The following PTPRD variants were observed in gnomAD, a reference collection of about 807,000 sequenced individuals.
PTPRD encodes protein tyrosine phosphatase receptor type D.
Under a neutral mutation model 214.5 loss-of-function variants are expected in PTPRD, and 34 were observed. That is an observed-to-expected ratio of 0.16 (90% CI 0.12 to 0.21). PTPRD has a LOEUF of 0.21. Among genes scored for constraint, PTPRD ranks in the 10% least tolerant of loss-of-function variants. PTPRD has a pLI of 1.00. For synonymous variants in PTPRD, 1,128 were observed against 845.7 expected (o/e 1.33, Z -5.79); for missense variants, 2,545 against 2,398.7 (o/e 1.06, Z -1.27).
intron 10 of PTPRD, among the ~76,000 whole-genome samples, chr9:9,145,984 C>T (rs995035287): frequency 2.6e-5 from 4 of 152,188 alleles, no homozygotes; most frequent in African/African-American, 9.7e-5. Flanking sequence ...GAAACAAGTG[C>T]CTGATGGCGC....
chr9:10,367,002 T>A (rs1380264878), intron 2 of PTPRD, among the ~76,000 whole-genome samples: 3 of 151,922 alleles, frequency 2.0e-5, no homozygotes, highest in Non-Finnish European at 4.4e-5. Context: ...TTGCTGTAAT[T>A]CACCTAGACT....
intron 11 of PTPRD, among the ~76,000 whole-genome samples, chr9:8,966,183 A>C (rs1404042653): frequency 6.6e-6 from 1 of 152,118 alleles, no homozygotes; most frequent in African/African-American, 2.4e-5. Flanking sequence ...TACTAAAAGC[A>C]ATCTATAGAT....
At chr9:8,359,066 C>T (rs2077703627) in intron 39 of PTPRD, among the ~76,000 whole-genome samples, 2 of 125,048 alleles carry the variant, frequency 1.6e-5, no homozygotes, top group African/African-American at 6.4e-5. Flanking sequence ...CGAGATTGCA[C>T]CACTGCACTC....
At chr9:9,105,220 C>A (rs1286391744) in intron 10 of PTPRD, among the ~76,000 whole-genome samples, 5 of 152,168 alleles carry the variant, frequency 3.3e-5, no homozygotes, top group Admixed American at 2.0e-4. Context: ...GGTCATCCAG[C>A]TCTTGAGAGG....
At chr9:9,511,907 G>A (rs543916243) in intron 8 of PTPRD, among the ~76,000 whole-genome samples, 1 of 151,608 alleles carries the variant, frequency 6.6e-6, no homozygotes, top group African/African-American at 2.4e-5. Flanking sequence ...TTTCATAGAA[G>A]ACCTAAAACT....
chr9:8,444,710 G>C (rs372382303), intron 34 of PTPRD, among the ~76,000 whole-genome samples: 1 of 152,174 alleles, frequency 6.6e-6, no homozygotes, highest in African/African-American at 2.4e-5. Flanking sequence ...TTGTTAACAA[G>C]CTTATTTTCT....
At chr9:9,732,543 G>A (rs1284544386) in intron 7 of PTPRD, among the ~76,000 whole-genome samples, 1 of 152,234 alleles carries the variant, frequency 6.6e-6, no homozygotes, top group South Asian at 2.1e-4. Flanking sequence ...AATTACAGGA[G>A]GAGGGTCCAG....
chr9:8,666,845 T>C (rs945802785), intron 12 of PTPRD, among the ~76,000 whole-genome samples: 6 of 152,200 alleles, frequency 3.9e-5, no homozygotes, highest in African/African-American at 1.2e-4. Flanking sequence ...ACTTTGGCCA[T>C]CCATGACCTC....
chr9:9,053,381 G>T (rs1443813513), intron 10 of PTPRD, among the ~76,000 whole-genome samples: 1 of 150,076 alleles, frequency 6.7e-6, no homozygotes, highest in African/African-American at 2.5e-5. Context: ...TGTTATGATG[G>T]CCAATGATGA....
chr9:10,058,908 G>T (rs979456709), intron 3 of PTPRD, among the ~76,000 whole-genome samples: 2 of 152,024 alleles, frequency 1.3e-5, no homozygotes, highest in African/African-American at 4.8e-5. Context: ...AACTGAGACA[G>T]CACATAGGAT....
intron 9 of PTPRD, among the ~76,000 whole-genome samples, chr9:9,285,212 A>G (rs1193175066): frequency 6.6e-6 from 1 of 151,724 alleles, no homozygotes; most frequent in African/African-American, 2.4e-5. Flanking sequence ...ATGTTCTGAA[A>G]ATAGTACTTG....
rs150984915 is a variant in PTPRD, at chr9:9,364,302, T to C, written c.-203+33147A>G. Among the ~76,000 whole-genome samples, 17 of 151,580 alleles carry C rather than the reference T, an allele frequency of 1.1e-4. No homozygotes were observed. The East Asian group carries it at 3.3e-3, about 30-fold the overall frequency. ...TGTTCTATACCCTGGATTACAGTAG[T>C]AAACAAAATTGTGAAGAGAATTTTC... On this transcript the variant is annotated intron_variant, in intron 9 of 45. Coordinates refer to ENST00000381196, the MANE Select transcript of PTPRD (RefSeq NM_002839.4).
intron 8 of PTPRD, among the ~76,000 whole-genome samples, chr9:9,543,002 C>A (rs988984863): frequency 3.3e-5 from 5 of 151,532 alleles, no homozygotes; most frequent in African/African-American, 1.2e-4. Context: ...TACATGAAAA[C>A]GTATGTCCAC....
At chr9:10,605,704 A>T (rs913193150) in intron 2 of PTPRD, among the ~76,000 whole-genome samples, 11 of 151,830 alleles carry the variant, frequency 7.2e-5, no homozygotes, top group Admixed American at 3.3e-4. Flanking sequence ...TAGGGAAGAG[A>T]TTCCTTTTTC....
chr9:9,015,526 A>C (rs139797716), intron 11 of PTPRD, among the ~76,000 whole-genome samples: 1,623 of 152,196 alleles, frequency 0.011, 19 homozygotes, highest in African/African-American at 0.037. Flanking sequence ...TAACCATAAA[A>C]ATGGGCAACC....
chr9:8,846,277 C>T (rs775074604), intron 11 of PTPRD, among the ~76,000 whole-genome samples: 2 of 152,116 alleles, frequency 1.3e-5, no homozygotes, highest in Non-Finnish European at 2.9e-5. Flanking sequence ...TGAACTAATT[C>T]ACCTCTGAGT....
intron 3 of PTPRD, among the ~76,000 whole-genome samples, chr9:10,339,642 G>T (rs761434987): frequency 3.3e-5 from 5 of 151,560 alleles, no homozygotes; most frequent in Non-Finnish European, 7.4e-5. Flanking sequence ...GGATGAAAAT[G>T]GATATTGGGA....
At chr9:8,916,315 T>C (rs953838277) in intron 11 of PTPRD, among the ~76,000 whole-genome samples, 3 of 152,082 alleles carry the variant, frequency 2.0e-5, no homozygotes, top group Non-Finnish European at 2.9e-5. Context: ...CATTGGACAA[T>C]TATGACATTT....
chr9:9,408,079 A>C (rs998159082), intron 8 of PTPRD, among the ~76,000 whole-genome samples: 1 of 151,880 alleles, frequency 6.6e-6, no homozygotes, highest in Non-Finnish European at 1.5e-5. Flanking sequence ...ATGCATGAAC[A>C]GAAGCTATGA....
Sources: allele counts gnomAD v4.1 joint callset (sites outside exome capture counted in the v4.1 genomes callset), GRCh38; gene constraint gnomAD v4.1.1; transcripts MANE v1.5; gene names NCBI Gene and HGNC (gene_info 2026-07-23, HGNC 2026-07-21).